VPS13B: variants seen among roughly 807,000 people sequenced by gnomAD.
VPS13B encodes the protein intermembrane lipid transfer protein VPS13B.
A neutral mutation model predicts 426.4 loss-of-function variants in VPS13B; 285 were observed. That is an observed-to-expected ratio of 0.67 (90% CI 0.61 to 0.74). VPS13B has a LOEUF of 0.74. Ranked by LOEUF, VPS13B falls within the 30% of genes least tolerant of loss-of-function variation. The pLI is 0.00. For synonymous variants in VPS13B, 1,676 were observed against 1,676.4 expected, an observed-to-expected ratio of 1.00 and a Z score of 0.01; for missense variants, 4,537 against 4,782.6, an observed-to-expected ratio of 0.95 and a Z score of 1.51.
At chr8:99,628,184 CTG>C (rs748089496) in intron 33 of VPS13B, among the ~76,000 whole-genome samples, 4 of 152,210 alleles carry the variant, frequency 2.6e-5, no homozygotes, top group Non-Finnish European at 5.9e-5. Context: ...TTAGTGGAAA[CTG>C]TGGAACTCAG....
At chr8:99,692,724 A>C (rs982763539) in intron 35 of VPS13B, among the ~76,000 whole-genome samples, 3 of 147,440 alleles carry the variant, frequency 2.0e-5, no homozygotes, top group African/African-American at 7.8e-5. Flanking sequence ...AGAGAAACAA[A>C]AAAACCCTTC....
intron 31 of VPS13B, among the ~76,000 whole-genome samples, chr8:99,565,459 G>T (rs1173322385): frequency 6.6e-6 from 1 of 151,606 alleles, no homozygotes; most frequent in African/African-American, 2.4e-5. Flanking sequence ...TATTCCTAAA[G>T]TTCATCAGTC....
rs1454575092 is a variant in VPS13B at position 99,779,706 on chromosome 8, A to C, written c.7779+675A>C. 2.0e-5 allele frequency among the ~76,000 whole-genome samples: 3 copies of C among 152,224 alleles called. No individual in the cohort carries two copies. The East Asian group carries it at 5.8e-4, about 29-fold the overall frequency. ...AATGGGAAACCTGTCCATGTCTGCT[A>C]GCACAAAAGTAACTTCACAGAATAT... On this transcript the variant is annotated intron_variant, in intron 42 of 61. Transcript: ENST00000357162.
At chr8:99,725,121 C>G (rs1833287718) in intron 39 of VPS13B, among the ~76,000 whole-genome samples, 1 of 152,176 alleles carries the variant, frequency 6.6e-6, no homozygotes, top group African/African-American at 2.4e-5. Flanking sequence ...TGATAAAGCC[C>G]TCCTCTGAAA....
At chr8:99,313,318 G>T (rs188353212) in intron 19 of VPS13B, among the ~76,000 whole-genome samples, 11 of 152,230 alleles carry the variant, frequency 7.2e-5, no homozygotes, top group African/African-American at 2.4e-4. Flanking sequence ...TTTGGTCTTT[G>T]ATGATGGTGA....
At chr8:99,471,028 A>G (rs894475321) in intron 24 of VPS13B, among the ~76,000 whole-genome samples, 2 of 152,122 alleles carry the variant, frequency 1.3e-5, no homozygotes, top group Non-Finnish European at 2.9e-5. Flanking sequence ...GTGCTAACAT[A>G]AAAGAACTGT....
At chr8:99,083,634 G>T (rs202219005) in intron 3 of VPS13B, among the ~76,000 whole-genome samples, 2 of 135,920 alleles carry the variant, frequency 1.5e-5, no homozygotes, top group African/African-American at 5.6e-5. Context: ...ATGTCCCATC[G>T]ATACATAATT....
intron 30 of VPS13B, among the ~76,000 whole-genome samples, chr8:99,554,128 C>T (rs780138948): frequency 6.6e-6 from 1 of 151,924 alleles, no homozygotes; most frequent in African/African-American, 2.4e-5. Context: ...ACAGCTTTTC[C>T]ATGTATCAAG....
intron 35 of VPS13B, among the ~76,000 whole-genome samples, chr8:99,679,401 C>A (rs1449785): frequency 6.6e-6 from 1 of 152,020 alleles, no homozygotes; most frequent in African/African-American, 2.4e-5. Flanking sequence ...TAGTTCAGTA[C>A]ATTTACTTTA....
intron 19 of VPS13B, among the ~76,000 whole-genome samples, chr8:99,310,015 T>C (rs1820865767): frequency 6.6e-6 from 1 of 152,224 alleles, no homozygotes; most frequent in African/African-American, 2.4e-5. Flanking sequence ...ATGCTTGTGA[T>C]TTTTGTACAT....
intron 25 of VPS13B, among the ~76,000 whole-genome samples, chr8:99,495,070 T>G (rs1338098190): frequency 6.6e-6 from 1 of 152,166 alleles, no homozygotes; most frequent in Non-Finnish European, 1.5e-5. Context: ...CCATACTGGA[T>G]GTGAAATATA....
intron 8 of VPS13B, among the ~76,000 whole-genome samples, chr8:99,126,077 G>A (rs1462634220): frequency 6.6e-6 from 1 of 152,158 alleles, no homozygotes; most frequent in Non-Finnish European, 1.5e-5. Flanking sequence ...GGCACCTCTT[G>A]TAGAGATGGA....
chr8:99,657,842 T>C (rs966636165), intron 34 of VPS13B, among the ~76,000 whole-genome samples: 1 of 152,224 alleles, frequency 6.6e-6, no homozygotes, highest in East Asian at 1.9e-4. Context: ...ATTTATAATT[T>C]TGATAAACTT....
chr8:99,650,394 G>A (rs1829759346), intron 34 of VPS13B, among the ~76,000 whole-genome samples: 1 of 152,048 alleles, frequency 6.6e-6, no homozygotes, highest in Admixed American at 6.6e-5. Flanking sequence ...GAGATTCATT[G>A]CCCTTCTTGT....
chr8:99,604,913 A>G (rs996293505), intron 33 of VPS13B, among the ~76,000 whole-genome samples: 3 of 152,152 alleles, frequency 2.0e-5, no homozygotes, highest in South Asian at 2.1e-4. Flanking sequence ...GGATTTGTCT[A>G]TTCTCCTTCA....
intron 33 of VPS13B, among the ~76,000 whole-genome samples, chr8:99,628,382 A>G (rs1326259608): frequency 6.6e-6 from 1 of 152,150 alleles, no homozygotes; most frequent in Non-Finnish European, 1.5e-5. Context: ...TCTGTCTGAA[A>G]TCTGCAGGAA....
chr8:99,533,224 C>T (rs1384309074), intron 30 of VPS13B, among the ~76,000 whole-genome samples: 1 of 152,132 alleles, frequency 6.6e-6, no homozygotes, highest in Non-Finnish European at 1.5e-5. Context: ...CAGGCATGAG[C>T]CGTCGTACCT....
chr8:99,207,173 G>A lies in VPS13B; in HGVS notation c.2515+14116G>A, dbSNP rs963082063. On this transcript the variant is annotated intron_variant, in intron 17 of 61. Coordinates refer to ENST00000357162, the MANE Select transcript of VPS13B (RefSeq NM_152564.5). ...TTGAGAGCTCATTTATAGAATATGTGGTCATTATTAAGAAGTGAGTAATTA... is the reference window on the plus strand; with the variant it reads ...TTGAGAGCTCATTTATAGAATATGTAGTCATTATTAAGAAGTGAGTAATTA... 1.1e-4 allele frequency among the ~76,000 whole-genome samples: 16 copies of A among 152,026 alleles called. 1 individual carries two copies. Among genetic ancestry groups the A allele is most frequent in the Non-Finnish European group, 1.9e-4 (13 of 67,978 alleles).
intron 3 of VPS13B, among the ~76,000 whole-genome samples, chr8:99,068,047 G>A (rs551653244): frequency 3.9e-5 from 6 of 152,146 alleles, no homozygotes; most frequent in East Asian, 1.9e-4. Context: ...TAGCTCTTAC[G>A]TGTATTATTT....
Sources: allele counts gnomAD v4.1 joint callset (sites outside exome capture counted in the v4.1 genomes callset), GRCh38; gene constraint gnomAD v4.1.1; transcripts MANE v1.5; gene names NCBI Gene and HGNC (gene_info 2026-07-23, HGNC 2026-07-21).